RERE: variants seen among roughly 807,000 people sequenced by gnomAD.
RERE encodes arginine-glutamic acid dipeptide repeats protein.
Under a neutral mutation model 146.1 loss-of-function variants are expected in RERE, and 40 were observed. The ratio of observed to expected loss-of-function variants is 0.27; its 90% CI spans 0.21 to 0.36. The LOEUF (loss-of-function observed/expected upper bound fraction) is 0.36, where lower values mean the gene tolerates loss of function less well. Among genes scored for constraint, RERE ranks in the 10% least tolerant of loss-of-function variants. The pLI is 1.00. For missense variants in RERE, 1,933 were observed against 2,138.7 expected (o/e 0.90, Z 1.90); for synonymous variants, 1,003 against 866.0 (o/e 1.16, Z -2.78).
At position 8,365,846 on chromosome 1, in the gene RERE, G is replaced by A. The variant is rs1641785582; in HGVS notation, c.1413C>T (p.Val471=). The A allele has an allele frequency of 9.3e-6, 15 of 1,614,208 alleles. No individual in the cohort carries two copies. Among genetic ancestry groups the A allele is most frequent in the Non-Finnish European group, 1.3e-5 (15 of 1,180,038 alleles). ...TGGACGGGGGTCTGGAGGGTGTGTT[G>A]ACGGGTGTGGACGCGGTGCGAGTCT... The part of the protein sequence containing the change: ...RIKTRTASTP[V]NTPSRPPSSE... The change falls in exon 13 of 23, where the codon GTC becomes GTT. Residue 471 remains valine, a synonymous_variant. Transcript: ENST00000400908.
At chr1:8,686,334 T>C (rs1168165301) in intron 1 of RERE, among the ~76,000 whole-genome samples, 1 of 152,150 alleles carries the variant, frequency 6.6e-6, no homozygotes, top group Non-Finnish European at 1.5e-5. Context: ...ACGTAGAAAT[T>C]CAACAAATAT....
Position 8,582,610 on chromosome 1 carries a change from TA to T in RERE, c.523-25088del, listed in dbSNP as rs536803126. Among the ~76,000 whole-genome samples, 1,208 of 152,136 alleles carry T rather than the reference TA, an allele frequency of 7.9e-3. 12 individuals carry two copies. The highest frequency in any genetic ancestry group is 0.028 in the African/African-American group (1,154 of 41,478). On this transcript the variant is annotated intron_variant, in intron 4 of 22. Coordinates refer to ENST00000400908, the MANE Select transcript of RERE (RefSeq NM_001042681.2). ...GGTGGTGGGCACCTGTAATGCCAGC[TA>T]CTGGGGAGGCTGAAGCAGGAGAATT... is the stretch of plus-strand genomic sequence containing the variant.
intron 4 of RERE, among the ~76,000 whole-genome samples, chr1:8,565,019 TCAAA>T (rs1362206136): frequency 1.3e-5 from 2 of 152,134 alleles, no homozygotes; most frequent in South Asian, 2.1e-4. Context: ...ACATGTGGAC[TCAAA>T]CAACCCAACT....
At chr1:8,502,989 CCT>C (rs1238799887) in intron 8 of RERE, among the ~76,000 whole-genome samples, 1 of 150,506 alleles carries the variant, frequency 6.6e-6, no homozygotes, top group Non-Finnish European at 1.5e-5. Context: ...AAACCAGAGA[CCT>C]TTGTTCACTT....
rs778844784 is a variant in RERE at position 8,360,160 on chromosome 1, G to A, written c.3347C>T (p.Pro1116Leu). 1.3e-5 allele frequency: 20 copies of A among 1,598,286 alleles called. No homozygotes were observed. Among genetic ancestry groups the A allele is most frequent in the East Asian group, 9.0e-5 (4 of 44,546 alleles). The change falls in exon 18 of 23, where the codon CCG (proline) becomes CTG (leucine). Residue 1116 changes from proline to leucine, a missense_variant. Pro to Leu is a moderately conservative substitution (Grantham distance 98). Transcript: ENST00000400908. Reference protein sequence around the residue: ...SPPPPPRSPSPEPTVVDTPSH... With the variant: ...SPPPPPRSPSLEPTVVDTPSH... ...GGGGGTGTCCACCACAGTGGGCTCC[G>A]GGGACGGGCTCCTTGGTGGGGGAGG...
intron 10 of RERE, among the ~76,000 whole-genome samples, chr1:8,475,064 T>C (rs1281941158): frequency 1.3e-5 from 2 of 152,214 alleles, no homozygotes; most frequent in Admixed American, 6.5e-5. Flanking sequence ...TGCCGAAATA[T>C]GTTCAAAACA....
intron 7 of RERE, among the ~76,000 whole-genome samples, chr1:8,538,591 C>T (rs1204287511): frequency 2.6e-5 from 4 of 152,226 alleles, no homozygotes; most frequent in South Asian, 2.1e-4. Flanking sequence ...GCATTAGCTC[C>T]ACTGCTGCAA....
intron 1 of RERE, among the ~76,000 whole-genome samples, chr1:8,781,248 C>G (rs564623597): frequency 6.6e-6 from 1 of 151,474 alleles, no homozygotes; most frequent in Non-Finnish European, 1.5e-5. Flanking sequence ...CCCAGCTACT[C>G]AGGAGGCTGA....
chr1:8,599,015 C>G (rs2124129725), intron 4 of RERE, among the ~76,000 whole-genome samples: 1 of 152,342 alleles, frequency 6.6e-6, no homozygotes, highest in South Asian at 2.1e-4. Context: ...TTCCAACTGA[C>G]AAGCCCAGTA....
chr1:8,635,718 A>G (rs1647090024), intron 2 of RERE, among the ~76,000 whole-genome samples: 1 of 152,226 alleles, frequency 6.6e-6, no homozygotes, highest in Non-Finnish European at 1.5e-5. Context: ...CTTATAGGCA[A>G]GTCTTGTCAA....
intron 1 of RERE, among the ~76,000 whole-genome samples, chr1:8,738,126 T>C (rs1043211205): frequency 6.6e-6 from 1 of 152,088 alleles, no homozygotes; most frequent in African/African-American, 2.4e-5. Flanking sequence ...CGCTGTTGCC[T>C]CTGTTCAGAA....
chr1:8,467,607 G>A (rs2124132849), intron 10 of RERE, among the ~76,000 whole-genome samples: 1 of 152,222 alleles, frequency 6.6e-6, no homozygotes, highest in Non-Finnish European at 1.5e-5. Flanking sequence ...ACATTTAACT[G>A]CCAACAAAAG....
intron 4 of RERE, among the ~76,000 whole-genome samples, chr1:8,561,299 G>A (rs558180314): frequency 2.4e-4 from 37 of 152,212 alleles, no homozygotes; most frequent in South Asian, 1.0e-3. Flanking sequence ...AACACACAAA[G>A]GTAGACTGGA....
At chr1:8,610,886 T>A in intron 4 of RERE, among the ~76,000 whole-genome samples, 1 of 147,176 alleles carries the variant, frequency 6.8e-6, no homozygotes. Context: ...AAAACAAAAA[T>A]AATGATTTAA....
chr1:8,719,135 T>C (rs1340655785), intron 1 of RERE, among the ~76,000 whole-genome samples: 1 of 152,206 alleles, frequency 6.6e-6, no homozygotes, highest in African/African-American at 2.4e-5. Flanking sequence ...ACATTATTTA[T>C]GTGAACTGGG....
chr1:8,517,885 A>G lies in RERE; in HGVS notation c.831-9210T>C, dbSNP rs191605868. Among the ~76,000 whole-genome samples, 9 of 152,380 alleles carry G rather than the reference A, an allele frequency of 5.9e-5. No homozygotes were observed. In the East Asian group the frequency reaches 1.7e-3, roughly 29 times the overall value. ...AAACAGGGAATGGACAGAAAGGAGC[A>G]GGGAGCCTGTAAATGAATATCAAAA... On this transcript the variant is annotated intron_variant, in intron 7 of 22. Transcript: ENST00000400908.
rs181914610 is a variant in RERE at position 8,368,580 on chromosome 1, G to A, written c.1285-2606C>T. Among the ~76,000 whole-genome samples the A allele has an allele frequency of 1.1e-3, 163 of 152,112 alleles. 3 individuals are homozygous for A. The highest frequency in any genetic ancestry group is 7.9e-3 in the South Asian group (38 of 4,814). On this transcript the variant is annotated intron_variant, in intron 12 of 22. Coordinates refer to ENST00000400908, the MANE Select transcript of RERE (RefSeq NM_001042681.2). ...GGAGAGAAAAATCGAGTGAGAAGGT[G>A]GTACCTGAGCCTCTGCCATGCCTTC...
At chr1:8,752,953 CTA>C (rs1276381057) in intron 1 of RERE, among the ~76,000 whole-genome samples, 1 of 152,048 alleles carries the variant, frequency 6.6e-6, no homozygotes, top group East Asian at 1.9e-4. Context: ...CTGTCCTGAG[CTA>C]TTAGAAAGAA....
chr1:8,646,458 G>T (rs1012452567), intron 2 of RERE, among the ~76,000 whole-genome samples: 9 of 151,932 alleles, frequency 5.9e-5, no homozygotes, highest in Non-Finnish European at 1.2e-4. Flanking sequence ...CTTGAGCTCG[G>T]GAGTTCAAGG....
Sources: gnomAD v4.1 joint callset for allele counts (sites outside exome capture counted in the v4.1 genomes callset) on GRCh38, gnomAD v4.1.1 for gene constraint, MANE v1.5 for transcripts, NCBI Gene and HGNC (gene_info 2026-07-23, HGNC 2026-07-21) for gene names.